Variants in SPOCK3 observed in about 807,000 individuals in gnomAD.
The protein encoded by SPOCK3 is testican-3.
A neutral mutation model predicts 56.6 loss-of-function variants in SPOCK3; 30 were observed. The ratio of observed to expected loss-of-function variants is 0.53; its 90% CI spans 0.40 to 0.72. SPOCK3 has a LOEUF of 0.72. Ranked by LOEUF, SPOCK3 falls within the 30% of genes least tolerant of loss-of-function variation. SPOCK3 has a pLI of 0.00. For missense variants in SPOCK3, 527 were observed against 530.0 expected, an observed-to-expected ratio of 0.99 and a Z score of 0.06; for synonymous variants, 196 against 183.3, an observed-to-expected ratio of 1.07 and a Z score of -0.56.
At chr4:166,735,669 G>A (rs1734145740) in intron 10 of SPOCK3, among the ~76,000 whole-genome samples, 1 of 151,998 alleles carries the variant, frequency 6.6e-6, no homozygotes, top group South Asian at 2.1e-4. Context: ...ATGCAGTGTT[G>A]TCGGCTTAAG....
Position 166,965,301 on chromosome 4 carries a change from T to C in SPOCK3, c.350+35048A>G, listed in dbSNP as rs566299640. ...GTTTTCATGGCTGTATTTATCTTTCTCTCTCTCTTTCTTTCCTTACCCTCT... is the reference window on the plus strand; with the variant it reads ...GTTTTCATGGCTGTATTTATCTTTCCCTCTCTCTTTCTTTCCTTACCCTCT... On this transcript the variant is annotated intron_variant, in intron 4 of 10. Transcript: ENST00000357545. 2.6e-5 allele frequency among the ~76,000 whole-genome samples: 4 copies of C among 152,046 alleles called. No individual in the cohort carries two copies. The East Asian group carries it at 7.7e-4, about 29-fold the overall frequency.
chr4:166,808,867 G>A (rs1315659819), intron 6 of SPOCK3, among the ~76,000 whole-genome samples: 1 of 152,028 alleles, frequency 6.6e-6, no homozygotes, highest in Admixed American at 6.6e-5. Flanking sequence ...ATTTCTGTTT[G>A]ATGGTGTGAA....
chr4:166,924,418 C>A (rs1738838612), intron 4 of SPOCK3, among the ~76,000 whole-genome samples: 1 of 152,130 alleles, frequency 6.6e-6, no homozygotes, highest in Non-Finnish European at 1.5e-5. Context: ...CCTTTCAGAA[C>A]ACTGTTAATT....
chr4:167,043,942 T>C (rs1753475521), intron 3 of SPOCK3, among the ~76,000 whole-genome samples: 1 of 152,060 alleles, frequency 6.6e-6, no homozygotes, highest in African/African-American at 2.4e-5. Flanking sequence ...GATATTAGCA[T>C]GATGGTGGCC....
chr4:166,995,001 C>T (rs1206400188), intron 4 of SPOCK3, among the ~76,000 whole-genome samples: 2 of 152,022 alleles, frequency 1.3e-5, no homozygotes, highest in Non-Finnish European at 2.9e-5. Context: ...TTCTACAATG[C>T]TTAGAAGAAT....
intron 2 of SPOCK3, among the ~76,000 whole-genome samples, chr4:167,182,170 T>C (rs1365037117): frequency 6.6e-6 from 1 of 152,218 alleles, no homozygotes; most frequent in Non-Finnish European, 1.5e-5. Context: ...GAATGCATAC[T>C]GCCTAATCTG....
At chr4:167,151,296 G>A (rs1364012780) in intron 2 of SPOCK3, among the ~76,000 whole-genome samples, 1 of 152,184 alleles carries the variant, frequency 6.6e-6, no homozygotes, top group Non-Finnish European at 1.5e-5. Flanking sequence ...CCTCACTTTG[G>A]ATAGGATGAC....
intron 6 of SPOCK3, among the ~76,000 whole-genome samples, chr4:166,796,654 T>C (rs140677799): frequency 1.3e-3 from 205 of 152,354 alleles, no homozygotes; most frequent in African/African-American, 4.6e-3. Flanking sequence ...GCATAATTTA[T>C]TATTTTTTCC....
At position 166,782,169 on chromosome 4, in the gene SPOCK3, A is replaced by G. The variant is rs74734108; in HGVS notation, c.709+10001T>C. ...AACACACAATAAATTAGAGTTTACTATAGTTCCTCCACTGTACTATCAAAC... is the reference window on the plus strand; with the variant it reads ...AACACACAATAAATTAGAGTTTACTGTAGTTCCTCCACTGTACTATCAAAC... On this transcript the variant is annotated intron_variant, in intron 7 of 10. Transcript: ENST00000357545. Among the ~76,000 whole-genome samples the G allele has an allele frequency of 4.8e-3, 738 of 152,252 alleles. 6 individuals carry two copies. Among genetic ancestry groups the G allele is most frequent in the African/African-American group, 0.017 (706 of 41,566 alleles).
chr4:167,081,501 T>G (rs557011074), intron 2 of SPOCK3, among the ~76,000 whole-genome samples: 1 of 152,152 alleles, frequency 6.6e-6, no homozygotes, highest in South Asian at 2.1e-4. Flanking sequence ...GTAGTTAATA[T>G]GAAATAAAGA....
chr4:166,768,762 C>A (rs1364476575), intron 7 of SPOCK3, among the ~76,000 whole-genome samples: 1 of 152,106 alleles, frequency 6.6e-6, no homozygotes, highest in East Asian at 1.9e-4. Flanking sequence ...AATTCTCCTG[C>A]ATAATATCCT....
At chr4:167,232,953 C>G (rs1321637498) in intron 2 of SPOCK3, among the ~76,000 whole-genome samples, 1 of 152,138 alleles carries the variant, frequency 6.6e-6, no homozygotes, top group Admixed American at 6.5e-5. Flanking sequence ...AACTCATCTC[C>G]ACGTAGTGCA....
intron 3 of SPOCK3, among the ~76,000 whole-genome samples, chr4:167,014,604 A>G (rs1046900209): frequency 7.2e-5 from 11 of 152,148 alleles, no homozygotes; most frequent in Non-Finnish European, 1.6e-4. Flanking sequence ...GCAGTGAGCT[A>G]TGATAATACC....
intron 2 of SPOCK3, among the ~76,000 whole-genome samples, chr4:167,071,244 T>A (rs184630866): frequency 1.3e-5 from 2 of 152,118 alleles, no homozygotes; most frequent in Non-Finnish European, 2.9e-5. Flanking sequence ...AAGAATCTTT[T>A]GTTTGTTTTA....
At chr4:166,896,963 G>A (rs1035349947) in intron 5 of SPOCK3, among the ~76,000 whole-genome samples, 18 of 151,970 alleles carry the variant, frequency 1.2e-4, no homozygotes, top group Non-Finnish European at 1.8e-4. Flanking sequence ...AGCCAGGGAG[G>A]GCAGGGGAAA....
chr4:167,074,678 AG>A (rs1210477345), intron 2 of SPOCK3, among the ~76,000 whole-genome samples: 5 of 151,970 alleles, frequency 3.3e-5, no homozygotes, highest in African/African-American at 1.2e-4. Flanking sequence ...TGAGCACAAA[AG>A]CATGAATACC....
chr4:166,876,258 A>G lies in SPOCK3; in HGVS notation c.589+12872T>C, dbSNP rs148778630. Among the ~76,000 whole-genome samples, 114 of 152,280 alleles carry G rather than the reference A, an allele frequency of 7.5e-4. 1 individual carries two copies. Among genetic ancestry groups the G allele is most frequent in the African/African-American group, 2.5e-3 (106 of 41,572 alleles). On this transcript the variant is annotated intron_variant, in intron 6 of 10. Coordinates refer to ENST00000357545, the MANE Select transcript of SPOCK3 (RefSeq NM_001040159.2). ...AAGGTAGTTCAAGACTTGTGGGAAC[A>G]CTGTGAAGAACTGCTTTCCTACATA...
intron 4 of SPOCK3, among the ~76,000 whole-genome samples, chr4:166,938,954 A>C (rs1268370188): frequency 1.2e-5 from 1 of 83,536 alleles, no homozygotes; most frequent in African/African-American, 4.7e-5. Context: ...ACATACACAC[A>C]CCACACACAC....
At chr4:166,762,965 G>A (rs1025715901) in intron 7 of SPOCK3, among the ~76,000 whole-genome samples, 2 of 152,058 alleles carry the variant, frequency 1.3e-5, no homozygotes, top group African/African-American at 4.8e-5. Context: ...AATACTCGAA[G>A]TGTGGGGTTC....
Sources: gnomAD v4.1 joint callset for allele counts (sites outside exome capture counted in the v4.1 genomes callset) on GRCh38, gnomAD v4.1.1 for gene constraint, MANE v1.5 for transcripts, NCBI Gene and HGNC (gene_info 2026-07-23, HGNC 2026-07-21) for gene names.